KCNRG: variants seen among roughly 807,000 people sequenced by gnomAD.
KCNRG encodes potassium channel regulator.
A neutral mutation model predicts 17.7 loss-of-function variants in KCNRG; 17 were observed. The observed-to-expected ratio is 0.96, with a 90% CI of 0.66 to 1.44. The LOEUF (loss-of-function observed/expected upper bound fraction) is 1.44, where lower values mean the gene tolerates loss of function less well. KCNRG is among the 40% of genes most tolerant of loss of function. KCNRG has a pLI of 0.00. For synonymous variants in KCNRG, 97 were observed against 116.5 expected, an observed-to-expected ratio of 0.83 and a Z score of 1.08; for missense variants, 311 against 321.1, an observed-to-expected ratio of 0.97 and a Z score of 0.24.
In KCNRG at chr13:50,020,426, T is replaced by C. The variant is rs1411240566; in HGVS notation, c.791T>C (p.Ile264Thr). 1.9e-6 allele frequency: 3 copies of C among 1,613,620 alleles called. No individual in the cohort carries two copies. The highest frequency in any genetic ancestry group is 1.7e-5 in the Admixed American group (1 of 59,878). Reference protein sequence around the residue: ...NETPKPETIIIPEQSQIKK With the variant: ...NETPKPETIITPEQSQIKK ...ACACCAAAACCAGAGACTATCATCA[T>C]ACCAGAGCAATCTCAGATAAAGAAA... The change falls in exon 2 of 2, where the codon ATA (isoleucine) becomes ACA (threonine). Residue 264 changes from isoleucine (I) to threonine (T), a missense_variant. Transcript: ENST00000312942.
At position 50,020,196 on chromosome 13, in the gene KCNRG, T is replaced by G. The variant is rs775383209; in HGVS notation, c.579-18T>G. 12 of 1,609,616 alleles carry G rather than the reference T, an allele frequency of 7.5e-6. No individual in the cohort carries two copies. The highest frequency in any genetic ancestry group is 6.6e-5 in the South Asian group (6 of 90,652). On this transcript the variant is annotated intron_variant, in intron 1 of 1. Coordinates refer to ENST00000312942, the MANE Select transcript of KCNRG (RefSeq NM_173605.2). The stretch of plus-strand genomic sequence containing the variant: ...TAAAGGGATGCTTTATAATTAAGCT[T>G]CTTTTTGTGTGTCCTAGGTATGTTT...
At chr13:50,016,729 A>G (rs1373670913) in intron 1 of KCNRG, 1 of 167,048 alleles carries the variant, frequency 6.0e-6, no homozygotes, top group Non-Finnish European at 1.5e-5. Flanking sequence ...CTCTGCTGTC[A>G]CAAACATTTT....
chr13:50,015,727 C>T lies in KCNRG; in HGVS notation c.234C>T (p.Asp78=). The T allele has an allele frequency of 6.2e-7, 1 of 1,614,010 alleles. No homozygotes were observed. Among genetic ancestry groups the T allele is most frequent in the Admixed American group, 1.7e-5 (1 of 60,018 alleles). The part of the protein sequence containing the change: ...HQLLLPTEFS[D]YLRLQREALF... ...TTTTATTACCCACTGAATTTTCAGA[C>T]TATCTTAGGCTTCAGAGAGAGGCTC... Residue 78 remains aspartate (D), a synonymous_variant, in exon 1 of 2, where the codon GAC becomes GAT. Coordinates refer to ENST00000312942, the MANE Select transcript of KCNRG (RefSeq NM_173605.2).
chr13:50,016,340 G>A, intron 1 of KCNRG: 2 of 369,020 alleles, frequency 5.4e-6, no homozygotes, highest in East Asian at 4.9e-5. Context: ...TCAAATCATG[G>A]GAGAAAATAA....
At position 50,020,335 on chromosome 13, in the gene KCNRG, G is replaced by A; in HGVS notation, c.700G>A (p.Glu234Lys). 6.2e-7 allele frequency: 1 copy of A among 1,614,096 alleles called. No individual in the cohort carries two copies. Among genetic ancestry groups the A allele is most frequent in the Non-Finnish European group, 8.5e-7 (1 of 1,179,974 alleles). Reference sequence around the variant, plus strand: ...GGTCAGCACTAGAACAGTATCTTCTGAAGACAAAACTGAATGCTATAGCTT... The same window carrying A: ...GGTCAGCACTAGAACAGTATCTTCTAAAGACAAAACTGAATGCTATAGCTT... ...HLVSTRTVSS[E>K]DKTECYSFER... Residue 234 changes from glutamate (E) to lysine (K), a missense_variant, in exon 2 of 2, where the codon GAA (glutamate) becomes AAA (lysine). Transcript: ENST00000312942.
intron 1 of KCNRG, among the ~76,000 whole-genome samples, chr13:50,019,845 C>G (rs1195673247): frequency 6.6e-6 from 1 of 151,990 alleles, no homozygotes; most frequent in Non-Finnish European, 1.5e-5. Context: ...TGAGACCAGC[C>G]TGGCCAACAT....
At chr13:50,017,520 T>C (rs1394151815) in intron 1 of KCNRG, 1 of 167,054 alleles carries the variant, frequency 6.0e-6, no homozygotes, top group East Asian at 1.9e-4. Context: ...GAGAAAACAT[T>C]ATATTTAGAC....
rs1877103279 is a variant in KCNRG, at chr13:50,020,538, A to C, written c.*84A>C. 1 of 1,389,594 alleles carries C rather than the reference A, an allele frequency of 7.2e-7. No homozygotes were observed. 86.1% of individuals were successfully genotyped at this position (1,389,594 alleles called of 1,614,324 possible). On this transcript the variant is annotated 3_prime_UTR_variant, in exon 2 of 2. Transcript: ENST00000312942. ...GGGCATACATGTTAGCCAAATCTAC[A>C]CTCAGCCTAACTCTTGGCTTCATCT...
chr13:50,015,990 T>A lies in KCNRG; in HGVS notation c.497T>A (p.Leu166Gln). Residue 166 changes from leucine (L) to glutamine (Q), a missense_variant, in exon 1 of 2, where the codon CTG becomes CAG. Transcript: ENST00000312942. ...CCTCCTCAGATGACCTTACTTCCAC[T>A]GCCTCCACAAAGACCTTCTTACCAT... ...FFPPQMTLLP[L>Q]PPQRPSYHDL... 1 of 1,614,108 alleles carries A rather than the reference T, an allele frequency of 6.2e-7. No individual in the cohort carries two copies. The highest frequency in any genetic ancestry group is 8.5e-7 in the Non-Finnish European group (1 of 1,179,954).
chr13:50,016,720 T>C (rs1876631666), intron 1 of KCNRG: 1 of 167,068 alleles, frequency 6.0e-6, no homozygotes, highest in African/African-American at 2.4e-5. Flanking sequence ...TGATTTCCAC[T>C]CTGCTGTCAC....
At position 50,015,833 on chromosome 13, in the gene KCNRG, T is replaced by C. The variant is rs1876470593; in HGVS notation, c.340T>C (p.Phe114Leu). The change falls in exon 1 of 2, where the codon TTC becomes CTC. Residue 114 changes from phenylalanine to leucine, a missense_variant. Physicochemically the swap from Phe to Leu is conservative, Grantham distance 22. Coordinates refer to ENST00000312942, the MANE Select transcript of KCNRG (RefSeq NM_173605.2). Reference protein sequence around the residue: ...QPRPALVEVHFLSRNTQAFFR... With the variant: ...QPRPALVEVHLLSRNTQAFFR... ...AAGACCTGCTCTTGTGGAGGTACAT[T>C]TCCTAAGCCGGAACACTCAAGCTTT... is the stretch of plus-strand genomic sequence containing the variant. 1.2e-6 allele frequency: 2 copies of C among 1,614,154 alleles called. No homozygotes were observed. Among genetic ancestry groups the C allele is most frequent in the East Asian group, 4.5e-5 (2 of 44,884 alleles).
intron 1 of KCNRG, among the ~76,000 whole-genome samples, chr13:50,019,529 C>T (rs1267391744): frequency 6.6e-6 from 1 of 152,106 alleles, no homozygotes; most frequent in African/African-American, 2.4e-5. Context: ...TGTAAGTGCA[C>T]AGCATTCATT....
At chr13:50,020,062 C>A (rs1877060911) in intron 1 of KCNRG, 152 bp from the exon 2 acceptor site, 1 of 660,912 alleles carries the variant, frequency 1.5e-6, no homozygotes, top group Non-Finnish European at 2.5e-6. Flanking sequence ...AAAAATCACT[C>A]ATTTGGATTT....
Position 50,015,981 on chromosome 13 carries a change from T to C in KCNRG, c.488T>C (p.Leu163Ser), listed in dbSNP as rs749553507. The change falls in exon 1 of 2, where the codon TTA (leucine) becomes TCA (serine). Residue 163 changes from leucine to serine, a missense_variant. Leu to Ser is a moderately radical substitution (Grantham distance 145). Coordinates refer to ENST00000312942, the MANE Select transcript of KCNRG (RefSeq NM_173605.2). ...AACTTTTTCCCTCCTCAGATGACCT[T>C]ACTTCCACTGCCTCCACAAAGACCT... The part of the protein sequence containing the change: ...NGNFFPPQMT[L>S]LPLPPQRPSY... 1.5e-5 allele frequency: 25 copies of C among 1,613,918 alleles called. No individual in the cohort carries two copies. The highest frequency in any genetic ancestry group is 1.9e-5 in the Non-Finnish European group (23 of 1,179,958).
At position 50,016,353 on chromosome 13, in the gene KCNRG, T is replaced by C. The variant is rs1185251166; in HGVS notation, c.578+282T>C. The C allele has an allele frequency of 1.4e-5, 5 of 350,910 alleles. No individual in the cohort carries two copies. The Admixed American group carries it at 2.2e-4, about 16-fold the overall frequency. The allele number at this position is 350,910 out of a possible 1,614,324, so 21.7% of individuals were successfully genotyped here. A position where few individuals can be genotyped will look rare whatever the true frequency, so the allele number is the denominator to read the frequency against. On this transcript the variant is annotated intron_variant, in intron 1 of 1. Transcript: ENST00000312942. ...ATTCAAATCATGGGAGAAAATAATT[T>C]TGTAGATTATGTTCCATTGCTAATG...
Position 50,015,990 on chromosome 13 carries a change from T to C in KCNRG, c.497T>C (p.Leu166Pro). The C allele has an allele frequency of 6.2e-7, 1 of 1,614,108 alleles. No homozygotes were observed. The highest frequency in any genetic ancestry group is 8.5e-7 in the Non-Finnish European group (1 of 1,179,954). ...CCTCCTCAGATGACCTTACTTCCAC[T>C]GCCTCCACAAAGACCTTCTTACCAT... ...FFPPQMTLLP[L>P]PPQRPSYHDL... The change falls in exon 1 of 2, where the codon CTG (leucine) becomes CCG (proline). Residue 166 changes from leucine (L) to proline (P), a missense_variant. By Grantham distance (98) the Leu-to-Pro change is moderately conservative. Transcript: ENST00000312942.
At position 50,015,942 on chromosome 13, in the gene KCNRG, C is replaced by A; in HGVS notation, c.449C>A (p.Pro150Gln). The A allele has an allele frequency of 1.4e-5, 23 of 1,614,078 alleles. No homozygotes were observed. The highest frequency in any genetic ancestry group is 1.9e-5 in the Non-Finnish European group (22 of 1,179,968). The change falls in exon 1 of 2, where the codon CCG becomes CAG. Residue 150 changes from proline (P) to glutamine (Q), a missense_variant. Physicochemically the swap from Pro to Gln is moderately conservative, Grantham distance 76. Transcript: ENST00000312942. ...GTGTTTACAGAACAACCTTCAGCGC[C>A]GACCTGGAATGGTAACTTTTTCCCT... is the stretch of plus-strand genomic sequence containing the variant. ...ITVFTEQPSA[P>Q]TWNGNFFPPQ... is the part of the protein sequence containing the mutation.
chr13:50,015,518 TTGAA>T lies in KCNRG; in HGVS notation c.28_31del (p.Asn10TrpfsTer13). The T allele has an allele frequency of 1.9e-6, 3 of 1,613,390 alleles. No homozygotes were observed. The highest frequency in any genetic ancestry group is 2.5e-6 in the Non-Finnish European group (3 of 1,179,620). On this transcript the variant is annotated frameshift_variant, in exon 1 of 2. Transcript: ENST00000312942. LOFTEE classifies it high-confidence loss of function. ...AATGAGTAGTCAGGAACTGGTCACT[TTGAA>T]TGTGGGAGGGAAGATATTCACGACA...
chr13:50,015,880 C>A lies in KCNRG; in HGVS notation c.387C>A (p.Cys129Ter). The change falls in exon 1 of 2, where the codon TGC becomes TGA. Residue 129 changes from cysteine to a stop codon, truncating the protein, a stop_gained. Coordinates refer to ENST00000312942, the MANE Select transcript of KCNRG (RefSeq NM_173605.2). LOFTEE classifies it high-confidence loss of function. ...TQAFFRVFGS[C>*]SKTIEMLTGR... is the part of the protein sequence containing the mutation. ...CTTTTTTCAGGGTGTTTGGCTCTTGCAGCAAAACAATTGAGATGCTAACAG... is the reference window on the plus strand; with the variant it reads ...CTTTTTTCAGGGTGTTTGGCTCTTGAAGCAAAACAATTGAGATGCTAACAG... 6.2e-7 allele frequency: 1 copy of A among 1,614,104 alleles called. No individual in the cohort carries two copies. The highest frequency in any genetic ancestry group is 8.5e-7 in the Non-Finnish European group (1 of 1,179,988).
Sources: gnomAD v4.1 joint callset for allele counts (sites outside exome capture counted in the v4.1 genomes callset) on GRCh38, gnomAD v4.1.1 for gene constraint, MANE v1.5 for transcripts, NCBI Gene and HGNC (gene_info 2026-07-23, HGNC 2026-07-21) for gene names.